The following NKAIN3 variants were observed in gnomAD, a reference collection of about 807,000 sequenced individuals.
NKAIN3 encodes the protein sodium/potassium-transporting ATPase subunit beta-1-interacting protein 3.
Under a neutral mutation model 30.2 loss-of-function variants are expected in NKAIN3, and 25 were observed. That is an observed-to-expected ratio of 0.83 (90% confidence interval 0.60 to 1.16). The LOEUF is 1.16. NKAIN3 is among the 50% of genes most tolerant of loss of function. The pLI is 0.00. For missense variants in NKAIN3, 225 were observed against 254.1 expected (o/e 0.89, Z 0.78); for synonymous variants, 91 against 89.6 (o/e 1.02, Z -0.09).
chr8:62,724,698 A>G (rs2130526727), intron 3 of NKAIN3, among the ~76,000 whole-genome samples: 1 of 152,248 alleles, frequency 6.6e-6, no homozygotes, highest in East Asian at 1.9e-4. Flanking sequence ...ATGTTGTTGC[A>G]AATGACAGGA....
chr8:62,794,006 A>G (rs1460115478), intron 4 of NKAIN3, among the ~76,000 whole-genome samples: 1 of 152,154 alleles, frequency 6.6e-6, no homozygotes, highest in African/African-American at 2.4e-5. Flanking sequence ...TTTTCTACCT[A>G]CTCACATTGG....
intron 1 of NKAIN3, among the ~76,000 whole-genome samples, chr8:62,490,486 A>G (rs1026321222): frequency 4.6e-5 from 7 of 152,222 alleles, no homozygotes; most frequent in Admixed American, 6.5e-5. Flanking sequence ...GTTAGAAAAT[A>G]TAGACACTAA....
chr8:62,488,413 A>T (rs976387043), intron 1 of NKAIN3, among the ~76,000 whole-genome samples: 1 of 152,190 alleles, frequency 6.6e-6, no homozygotes, highest in Non-Finnish European at 1.5e-5. Flanking sequence ...CACTTGCCTC[A>T]TCATTTTATG....
At chr8:62,509,366 C>T (rs542589358) in intron 1 of NKAIN3, among the ~76,000 whole-genome samples, 59 of 152,218 alleles carry the variant, frequency 3.9e-4, no homozygotes, top group Admixed American at 1.6e-3. Flanking sequence ...GAGTTCCATC[C>T]GGCAAGATAT....
At chr8:62,313,552 A>C (rs1389994479) in intron 1 of NKAIN3, among the ~76,000 whole-genome samples, 2 of 152,196 alleles carry the variant, frequency 1.3e-5, no homozygotes, top group Non-Finnish European at 2.9e-5. Flanking sequence ...CATAAATGTC[A>C]GCAATTTTGA....
At chr8:62,574,740 T>C (rs1201843596) in intron 1 of NKAIN3, among the ~76,000 whole-genome samples, 1 of 152,172 alleles carries the variant, frequency 6.6e-6, no homozygotes, top group Non-Finnish European at 1.5e-5. Context: ...TAAGCCATTT[T>C]AACTGAGGTG....
At chr8:62,615,470 G>C (rs1400534937) in intron 3 of NKAIN3, among the ~76,000 whole-genome samples, 1 of 152,104 alleles carries the variant, frequency 6.6e-6, no homozygotes, top group Non-Finnish European at 1.5e-5. Context: ...TCCTTTTGCT[G>C]CCCTAGCTGG....
intron 3 of NKAIN3, among the ~76,000 whole-genome samples, chr8:62,707,056 T>TAC (rs35879987): frequency 0.16 from 23,151 of 143,232 alleles, 1,914 homozygotes; most frequent in East Asian, 0.36. Context: ...CATACATACA[T>TAC]ACACACACAC....
chr8:62,885,958 G>A lies in NKAIN3; in HGVS notation c.472-32495G>A, dbSNP rs118139688. Reference sequence around the variant, plus strand: ...TCTGACAACCTCTGTCTTTTAATTGGTATACTTAGATCATTGGCATTTAAA... The same window carrying A: ...TCTGACAACCTCTGTCTTTTAATTGATATACTTAGATCATTGGCATTTAAA... On this transcript the variant is annotated intron_variant, in intron 4 of 6. Transcript: ENST00000623646. 7.7e-4 allele frequency among the ~76,000 whole-genome samples: 117 copies of A among 152,094 alleles called. 2 individuals are homozygous for A. The East Asian group carries it at 0.02, about 26-fold the overall frequency.
At chr8:62,718,927 A>G (rs80160707) in intron 3 of NKAIN3, among the ~76,000 whole-genome samples, 1,590 of 152,310 alleles carry the variant, frequency 0.01, 30 homozygotes, top group African/African-American at 0.035. Flanking sequence ...TGCTCATTAT[A>G]TATCTGACCC....
chr8:62,569,210 C>T (rs909620737), intron 1 of NKAIN3, among the ~76,000 whole-genome samples: 13 of 152,128 alleles, frequency 8.5e-5, no homozygotes, highest in Non-Finnish European at 1.8e-4. Flanking sequence ...GGCAAGTCTC[C>T]AGGTTATTAG....
intron 1 of NKAIN3, among the ~76,000 whole-genome samples, chr8:62,478,160 G>GTTATTA (rs141184711): frequency 2.0e-5 from 3 of 151,260 alleles, no homozygotes; most frequent in East Asian, 1.9e-4. Flanking sequence ...ACTGATAGGA[G>GTTATTA]TTATTATTAT....
At chr8:62,460,803 T>C (rs1161136333) in intron 1 of NKAIN3, among the ~76,000 whole-genome samples, 2 of 152,230 alleles carry the variant, frequency 1.3e-5, no homozygotes, top group Non-Finnish European at 2.9e-5. Flanking sequence ...GAAAAGCCTT[T>C]GCTCAGAGGA....
chr8:62,506,231 G>GT (rs1554540922), intron 1 of NKAIN3, among the ~76,000 whole-genome samples: 6 of 147,462 alleles, frequency 4.1e-5, no homozygotes, highest in Non-Finnish European at 6.0e-5. Context: ...AGAATATTGG[G>GT]GGGGGGGACA....
At chr8:62,858,219 C>T (rs912086200) in intron 4 of NKAIN3, among the ~76,000 whole-genome samples, 1 of 152,172 alleles carries the variant, frequency 6.6e-6, no homozygotes, top group Non-Finnish European at 1.5e-5. Flanking sequence ...TGGCAGCCTG[C>T]CCCTTCCTCT....
rs151142684 is a variant in NKAIN3 at position 62,439,600 on chromosome 8, C to T, written c.55-139939C>T. 1.6e-4 allele frequency among the ~76,000 whole-genome samples: 25 copies of T among 152,312 alleles called. No homozygotes were observed. In the East Asian group the frequency reaches 4.1e-3, roughly 25 times the overall value. ...CTCTCATGTTACTTTCTATGTCAGA[C>T]TTAGCAATCTCAACACTCCATCCAA... On this transcript the variant is annotated intron_variant, in intron 1 of 6. Coordinates refer to ENST00000623646, the MANE Select transcript of NKAIN3 (RefSeq NM_001304533.3).
chr8:62,676,318 C>G (rs979056528), intron 3 of NKAIN3, among the ~76,000 whole-genome samples: 3 of 152,216 alleles, frequency 2.0e-5, no homozygotes, highest in Admixed American at 6.5e-5. Context: ...CCTGTAATCC[C>G]AGCACTTTGG....
At chr8:62,391,943 C>T (rs1179724216) in intron 1 of NKAIN3, among the ~76,000 whole-genome samples, 1 of 151,938 alleles carries the variant, frequency 6.6e-6, no homozygotes, top group Non-Finnish European at 1.5e-5. Flanking sequence ...TCTGTCTCAA[C>T]TGGAATAATT....
chr8:62,650,264 CAA>C (rs1400833102), intron 3 of NKAIN3, among the ~76,000 whole-genome samples: 1 of 152,120 alleles, frequency 6.6e-6, no homozygotes, highest in Non-Finnish European at 1.5e-5. Flanking sequence ...CTTTCCTACT[CAA>C]ATTATTTTCT....
Sources: gnomAD v4.1 joint callset for allele counts (sites outside exome capture counted in the v4.1 genomes callset) on GRCh38, gnomAD v4.1.1 for gene constraint, MANE v1.5 for transcripts, NCBI Gene and HGNC (gene_info 2026-07-23, HGNC 2026-07-21) for gene names.